Variants in KLHL7 observed in about 807,000 individuals in gnomAD.
KLHL7 encodes kelch like family member 7, also known as kelch-like protein 7.
In KLHL7, 44 loss-of-function variants were observed where a neutral mutation model predicts 67.4. That is an observed-to-expected ratio of 0.65 (90% CI 0.51 to 0.84). The LOEUF is 0.84. Among genes scored for constraint, KLHL7 ranks in the 40% least tolerant of loss-of-function variants. The probability of loss-of-function intolerance (pLI) is 0.00; values close to 1 mark genes in which losing one functional copy is unlikely to be tolerated. For synonymous variants in KLHL7, 252 were observed against 243.3 expected (o/e 1.04, Z -0.33); for missense variants, 362 against 718.1 (o/e 0.50, Z 5.67).
chr7:23,164,777 C>G (rs555418646), intron 7 of KLHL7, among the ~76,000 whole-genome samples: 1 of 152,152 alleles, frequency 6.6e-6, no homozygotes, highest in Non-Finnish European at 1.5e-5. Flanking sequence ...ACACTGGATA[C>G]GATCATAGGT....
intron 6 of KLHL7, among the ~76,000 whole-genome samples, chr7:23,144,715 C>G (rs1441408330): frequency 2.6e-5 from 4 of 152,104 alleles, no homozygotes; most frequent in Non-Finnish European, 5.9e-5. Context: ...TTGTTTGATG[C>G]AACATATCCT....
chr7:23,111,820 CAAAAAAAAAAA>C (rs895981894), intron 1 of KLHL7, among the ~76,000 whole-genome samples: 1 of 23,234 alleles, frequency 4.3e-5, no homozygotes, highest in East Asian at 1.4e-3. Flanking sequence ...GACTCCGTCT[CAAAAAAAAAAA>C]AAAAAAAAAA....
At position 23,177,536 on chromosome 7, in the gene KLHL7, G is replaced by C. The variant is rs992974795; in HGVS notation, c.*3238G>C. The C allele has an allele frequency of 1.3e-5, 2 of 152,080 alleles. No individual in the cohort carries two copies. The allele number at this position is 152,080 out of a possible 1,614,324, so 9.4% of individuals were successfully genotyped here. ...ACAGAATTGTCAATATCAGGATAGTGCGTAAAAGTACACTCACCATACTGA... is the reference window on the plus strand; with the variant it reads ...ACAGAATTGTCAATATCAGGATAGTCCGTAAAAGTACACTCACCATACTGA... On this transcript the variant is annotated 3_prime_UTR_variant, in exon 11 of 11. Transcript: ENST00000339077.
Position 23,124,794 on chromosome 7 carries a change from T to C in KLHL7, c.317+13T>C, listed in dbSNP as rs778678708. On this transcript the variant is annotated intron_variant, in intron 3 of 10. Coordinates refer to ENST00000339077, the MANE Select transcript of KLHL7 (RefSeq NM_001031710.3). ...CTTATACTGCTAGGTGAGTTAAGTA[T>C]TATTTTTATTTTAGAGAAGTAATGT... is the stretch of plus-strand genomic sequence containing the variant. 4.7e-6 allele frequency: 7 copies of C among 1,496,614 alleles called. No individual in the cohort carries two copies. Among genetic ancestry groups the C allele is most frequent in the Middle Eastern group, 1.7e-4 (1 of 5,834 alleles). 92.7% of individuals were successfully genotyped at this position (1,496,614 alleles called of 1,614,324 possible). A position where few individuals can be genotyped will look rare whatever the true frequency, so the allele number is the denominator to read the frequency against.
intron 4 of KLHL7, among the ~76,000 whole-genome samples, chr7:23,134,892 A>G: frequency 6.6e-6 from 1 of 152,104 alleles, no homozygotes; most frequent in East Asian, 1.9e-4. Flanking sequence ...ACTTTTCAAA[A>G]AAACAACTTT....
In KLHL7 at chr7:23,168,003, A is replaced by G. The variant is rs962567026; in HGVS notation, c.1345A>G (p.Asn449Asp). Residue 449 changes from asparagine (N) to aspartate (D), a missense_variant, in exon 9 of 11, where the codon AAT (asparagine) becomes GAT (aspartate). This residue lies in a region of KLHL7 where 136 missense variants were observed against 252.7 expected (regional missense o/e 0.54). Transcript: ENST00000339077. The stretch of plus-strand genomic sequence containing the variant: ...AAACAATGTTTCTGGGAGAGTGCTT[A>G]ATTCCTGTGAAGTTTATGATCCTGC... ...LGNNVSGRVL[N>D]SCEVYDPATE... The G allele has an allele frequency of 1.2e-6, 2 of 1,614,094 alleles. No individual in the cohort carries two copies. The highest frequency in any genetic ancestry group is 3.3e-5 in the Admixed American group (2 of 60,006).
At chr7:23,135,130 G>A (rs773678420) in intron 4 of KLHL7, among the ~76,000 whole-genome samples, 12 of 152,080 alleles carry the variant, frequency 7.9e-5, no homozygotes, top group Admixed American at 3.9e-4. Context: ...GGATATTATC[G>A]TCATTTGTTA....
chr7:23,161,250 G>A (rs1784846638), intron 7 of KLHL7, among the ~76,000 whole-genome samples: 1 of 152,038 alleles, frequency 6.6e-6, no homozygotes, highest in African/African-American at 2.4e-5. Flanking sequence ...TACAAATACG[G>A]GATCATGCCT....
chr7:23,132,060 G>A (rs1276879304), intron 4 of KLHL7, among the ~76,000 whole-genome samples: 1 of 152,074 alleles, frequency 6.6e-6, no homozygotes, highest in African/African-American at 2.4e-5. Context: ...TCTGTTGATG[G>A]ACACTTACGT....
chr7:23,134,745 G>A (rs563531812), intron 4 of KLHL7, among the ~76,000 whole-genome samples: 31 of 152,184 alleles, frequency 2.0e-4, no homozygotes, highest in African/African-American at 7.0e-4. Context: ...TATATTAATA[G>A]TTGCTCGTAG....
chr7:23,173,173 G>A (rs757330697), intron 10 of KLHL7, 128 bp downstream of exon 10: 1 of 667,582 alleles, frequency 1.5e-6, no homozygotes. Context: ...TATTTTTATA[G>A]TTTCTGGGAA....
chr7:23,125,283 T>A, intron 4 of KLHL7, 111 bp downstream of exon 4: 1 of 1,122,746 alleles, frequency 8.9e-7, no homozygotes, highest in South Asian at 1.4e-5. Flanking sequence ...TTAAAGACAT[T>A]GTCCACTAGA....
At chr7:23,109,650 C>G (rs1447043780) in intron 1 of KLHL7, among the ~76,000 whole-genome samples, 8 of 152,286 alleles carry the variant, frequency 5.3e-5, no homozygotes, top group African/African-American at 1.4e-4. Flanking sequence ...CTTCTGTATT[C>G]TCATCTGTCT....
intron 6 of KLHL7, among the ~76,000 whole-genome samples, chr7:23,144,608 G>T (rs763820461): frequency 1.3e-5 from 2 of 152,066 alleles, no homozygotes; most frequent in Non-Finnish European, 2.9e-5. Flanking sequence ...TCTTGTCCTA[G>T]GGTTTCCTTC....
intron 1 of KLHL7, among the ~76,000 whole-genome samples, chr7:23,121,025 C>G (rs894399412): frequency 6.6e-6 from 1 of 152,142 alleles, no homozygotes; most frequent in Admixed American, 6.5e-5. Flanking sequence ...ATCTTCTGTT[C>G]TGCTTTTTAC....
At chr7:23,128,821 C>T (rs1233475231) in intron 4 of KLHL7, among the ~76,000 whole-genome samples, 3 of 152,188 alleles carry the variant, frequency 2.0e-5, no homozygotes, top group African/African-American at 7.2e-5. Context: ...CTGAGTGTTT[C>T]ATATAAATTG....
intron 7 of KLHL7, among the ~76,000 whole-genome samples, chr7:23,164,896 TAGC>T (rs1784955111): frequency 6.6e-6 from 1 of 152,190 alleles, no homozygotes; most frequent in Non-Finnish European, 1.5e-5. Context: ...TTTCAGAAAA[TAGC>T]AGGAACGCTG....
intron 7 of KLHL7, among the ~76,000 whole-genome samples, chr7:23,153,656 C>T (rs1784608836): frequency 6.6e-6 from 1 of 152,164 alleles, no homozygotes; most frequent in Admixed American, 6.5e-5. Flanking sequence ...GGCCTTGCTC[C>T]AGAATTTGGG....
chr7:23,135,738 C>T (rs892891882), intron 4 of KLHL7, among the ~76,000 whole-genome samples: 1 of 152,176 alleles, frequency 6.6e-6, no homozygotes, highest in African/African-American at 2.4e-5. Flanking sequence ...TGATGTCTCA[C>T]TGGCTTCTGA....
Sources: allele counts gnomAD v4.1 joint callset (sites outside exome capture counted in the v4.1 genomes callset), GRCh38; gene constraint gnomAD v4.1.1; regional missense constraint gnomAD v4.1.1; transcripts MANE v1.5; gene names NCBI Gene and HGNC (gene_info 2026-07-23, HGNC 2026-07-21).